IL23R: variants seen among roughly 807,000 people sequenced by gnomAD.
The protein encoded by IL23R is interleukin-23 receptor.
A neutral mutation model predicts 56.9 loss-of-function variants in IL23R; 34 were observed. The observed-to-expected ratio is 0.60, with a 90% CI of 0.45 to 0.80. IL23R has a LOEUF of 0.80. Ranked by LOEUF, IL23R falls within the 30% of genes least tolerant of loss-of-function variation. IL23R has a pLI of 0.00. For missense variants in IL23R, 635 were observed against 730.0 expected, an observed-to-expected ratio of 0.87 and a Z score of 1.50; for synonymous variants, 230 against 249.2, an observed-to-expected ratio of 0.92 and a Z score of 0.73.
At chr1:67,155,407 CCTGT>C in intron 1 of IL23R, among the ~76,000 whole-genome samples, 1 of 152,260 alleles carries the variant, frequency 6.6e-6, no homozygotes, top group South Asian at 2.1e-4. Context: ...TTCCATTCTC[CCTGT>C]CTCTTTCAGG....
intron 1 of IL23R, among the ~76,000 whole-genome samples, chr1:67,153,800 C>G (rs1368835692): frequency 1.3e-5 from 2 of 151,750 alleles, no homozygotes; most frequent in Admixed American, 1.3e-4. Context: ...GAGTCTCGCT[C>G]TGTCACCCAG....
chr1:67,145,950 C>T (rs1646675740), intron 1 of IL23R, among the ~76,000 whole-genome samples: 2 of 152,152 alleles, frequency 1.3e-5, no homozygotes, highest in African/African-American at 2.4e-5. Context: ...TCCAACTTCT[C>T]TCCTTTTGGG....
At chr1:67,243,983 CTTTT>C in intron 9 of IL23R, among the ~76,000 whole-genome samples, 1 of 152,132 alleles carries the variant, frequency 6.6e-6, no homozygotes, top group Admixed American at 6.5e-5. Context: ...TGTTTCCTGA[CTTTT>C]TAATGATCTC....
intron 1 of IL23R, among the ~76,000 whole-genome samples, chr1:67,160,440 CA>C (rs1463010063): frequency 6.6e-6 from 1 of 152,224 alleles, no homozygotes. Context: ...GATGGGTCCT[CA>C]CTCTTTCATT....
chr1:67,245,891 G>A (rs1346877368), intron 9 of IL23R, among the ~76,000 whole-genome samples: 2 of 152,144 alleles, frequency 1.3e-5, no homozygotes, highest in Admixed American at 1.3e-4. Context: ...AATGGTACCA[G>A]CTCCTCTTTG....
chr1:67,199,280 C>T (rs1569922), intron 4 of IL23R, among the ~76,000 whole-genome samples: 60,638 of 151,900 alleles, frequency 0.4, 12,258 homozygotes, highest in Admixed American at 0.49. Context: ...TGTTATTTCA[C>T]GTATTTGTTT....
chr1:67,258,694 C>T lies in IL23R; in HGVS notation c.1456C>T (p.Pro486Ser). The change falls in exon 11 of 11, where the codon CCC becomes TCC. Residue 486 changes from proline (P) to serine (S), a missense_variant. Pro to Ser is a moderately conservative substitution (Grantham distance 74). Coordinates refer to ENST00000347310, the MANE Select transcript of IL23R (RefSeq NM_144701.3). The part of the protein sequence containing the change: ...YIPDLNTGYK[P>S]QISNFLPEGS... ...TCCTGATCTCAACACTGGATATAAACCCCAAATTTCAAATTTTCTGCCTGA... is the reference window on the plus strand; with the variant it reads ...TCCTGATCTCAACACTGGATATAAATCCCAAATTTCAAATTTTCTGCCTGA... The T allele has an allele frequency of 2.5e-6, 4 of 1,613,742 alleles. No homozygotes were observed. The highest frequency in any genetic ancestry group is 3.4e-6 in the Non-Finnish European group (4 of 1,179,884).
chr1:67,247,424 C>A (rs1047448391), intron 9 of IL23R, among the ~76,000 whole-genome samples: 1 of 152,070 alleles, frequency 6.6e-6, no homozygotes, highest in African/African-American at 2.4e-5. Flanking sequence ...CCTGCCTCAG[C>A]CTCCCTAGTA....
chr1:67,207,987 G>A (rs1649202622), intron 6 of IL23R, among the ~76,000 whole-genome samples: 1 of 152,210 alleles, frequency 6.6e-6, no homozygotes, highest in Non-Finnish European at 1.5e-5. Flanking sequence ...CTAGGCTGGG[G>A]TGGTCTCAGA....
intron 1 of IL23R, among the ~76,000 whole-genome samples, chr1:67,148,175 T>C (rs1325933858): frequency 1.3e-5 from 2 of 152,336 alleles, no homozygotes; most frequent in Middle Eastern, 3.4e-3. Flanking sequence ...AGAAACGCAG[T>C]GTACACCCTG....
intron 7 of IL23R, among the ~76,000 whole-genome samples, chr1:67,225,518 CTT>C (rs34530155): frequency 1.4e-5 from 2 of 145,610 alleles, no homozygotes; most frequent in African/African-American, 2.5e-5. Context: ...TGCTTGGGCA[CTT>C]TTTTTTTTTT....
chr1:67,262,576 C>T (rs910334006), downstream of IL23R, among the ~76,000 whole-genome samples: 1 of 152,156 alleles, frequency 6.6e-6, no homozygotes, highest in African/African-American at 2.4e-5. Flanking sequence ...CTTTCCCTCC[C>T]GTACAACTTG....
chr1:67,169,615 G>A lies in IL23R; in HGVS notation c.344G>A (p.Cys115Tyr), dbSNP rs1646917043. The A allele has an allele frequency of 6.2e-7, 1 of 1,614,100 alleles. No individual in the cohort carries two copies. Among genetic ancestry groups the A allele is most frequent in the Non-Finnish European group, 8.5e-7 (1 of 1,179,972 alleles). Residue 115 changes from cysteine (C) to tyrosine (Y), a missense_variant, in exon 3 of 11, where the codon TGT (cysteine) becomes TAT (tyrosine). Cys to Tyr is a radical substitution (Grantham distance 194). Transcript: ENST00000347310. ...CPKHFQETLI[C>Y]GKDISSGYPP... ...AAACATTTTCAAGAGACACTGATAT[G>A]TGGAAAAGACATTTCTTCTGGATGT...
chr1:67,263,073 C>T (rs564952303), downstream of IL23R, among the ~76,000 whole-genome samples: 339 of 146,904 alleles, frequency 2.3e-3, no homozygotes, highest in Non-Finnish European at 3.8e-3. Context: ...CAGGTGTGTA[C>T]GTGTGTGTGC....
chr1:67,218,324 ATATG>A (rs774886020), intron 6 of IL23R, among the ~76,000 whole-genome samples: 16,712 of 119,898 alleles, frequency 0.14, 1,200 homozygotes, highest in Non-Finnish European at 0.19. Context: ...ACATATATGC[ATATG>A]TGTGTGTGTG....
chr1:67,180,009 T>C (rs28838391), intron 3 of IL23R, among the ~76,000 whole-genome samples: 1 of 152,186 alleles, frequency 6.6e-6, no homozygotes, highest in Non-Finnish European at 1.5e-5. Context: ...TCTGTTTTTT[T>C]ACATTTGCTG....
chr1:67,259,574 A>G lies in IL23R; in HGVS notation c.*446A>G, dbSNP rs1206448446. On this transcript the variant is annotated 3_prime_UTR_variant, in exon 11 of 11. Coordinates refer to ENST00000347310, the MANE Select transcript of IL23R (RefSeq NM_144701.3). ...AACTATTTCCTCTTTATTTTCCCTC[A>G]TTGAAAGATGCAAAACAGCTCTCTA... 1 of 206,738 alleles carries G rather than the reference A, an allele frequency of 4.8e-6. No homozygotes were observed. Among genetic ancestry groups the G allele is most frequent in the Non-Finnish European group, 9.8e-6 (1 of 102,294 alleles). 12.8% of individuals were successfully genotyped at this position (206,738 alleles called of 1,614,324 possible). A position where few individuals can be genotyped will look rare whatever the true frequency, so the allele number is the denominator to read the frequency against.
chr1:67,231,662 A>G lies in IL23R; in HGVS notation c.956-5051A>G, dbSNP rs538301067. 7.2e-5 allele frequency among the ~76,000 whole-genome samples: 11 copies of G among 152,320 alleles called. No homozygotes were observed. The South Asian group carries it at 1.9e-3, about 26-fold the overall frequency. ...TAAATACAGTAAAACATGATGAAAC[A>G]TTAACTAGCCATAGCATGATGTTTT... On this transcript the variant is annotated intron_variant, in intron 7 of 10. Coordinates refer to ENST00000347310, the MANE Select transcript of IL23R (RefSeq NM_144701.3).
At chr1:67,247,021 G>C (rs1209872935) in intron 9 of IL23R, among the ~76,000 whole-genome samples, 2 of 152,110 alleles carry the variant, frequency 1.3e-5, no homozygotes, top group East Asian at 3.9e-4. Context: ...ATATATTTAG[G>C]ATAGTTAGCT....
Sources: gnomAD v4.1 joint callset for allele counts (sites outside exome capture counted in the v4.1 genomes callset) on GRCh38, gnomAD v4.1.1 for gene constraint, MANE v1.5 for transcripts, NCBI Gene and HGNC (gene_info 2026-07-23, HGNC 2026-07-21) for gene names.